Variants in CDH20 observed in about 807,000 individuals in gnomAD.
The protein encoded by CDH20 is cadherin-20.
CDH20 carries 29 observed loss-of-function variants against 74.2 expected under a neutral mutation model. That is an observed-to-expected ratio of 0.39 (90% confidence interval 0.29 to 0.53). The LOEUF is 0.53. Among genes scored for constraint, CDH20 ranks in the 20% least tolerant of loss-of-function variants. The probability of loss-of-function intolerance (pLI) is 0.69; values close to 1 mark genes in which losing one functional copy is unlikely to be tolerated. For synonymous variants in CDH20, 469 were observed against 405.4 expected (o/e 1.16, Z -1.88); for missense variants, 988 against 1,048.3 (o/e 0.94, Z 0.79).
intron 1 of CDH20, among the ~76,000 whole-genome samples, chr18:61,385,119 T>C (rs1911550493): frequency 6.6e-6 from 1 of 152,158 alleles, no homozygotes; most frequent in Non-Finnish European, 1.5e-5. Flanking sequence ...TAATTCATCA[T>C]AATATACAAA....
In CDH20 at chr18:61,411,580, GTATATA is replaced by G. The variant is rs145701176; in HGVS notation, c.-153+77787_-153+77792del. Among the ~76,000 whole-genome samples the G allele has an allele frequency of 4.5e-3, 672 of 149,778 alleles. 7 individuals carry two copies. Among genetic ancestry groups the G allele is most frequent in the African/African-American group, 0.016 (634 of 40,302 alleles). On this transcript the variant is annotated intron_variant, in intron 1 of 11. Transcript: ENST00000262717. ...TGTGTATATATGTGTGTGTGTGTGTGTATATATATATATATATATATATATATATAT... is the reference window on the plus strand; with the variant it reads ...TGTGTATATATGTGTGTGTGTGTGTGTATATATATATATATATATATATAT...
intron 1 of CDH20, among the ~76,000 whole-genome samples, chr18:61,415,946 TCTTATTA>T (rs1912667344): frequency 6.6e-6 from 1 of 152,144 alleles, no homozygotes; most frequent in South Asian, 2.1e-4. Context: ...GATTCTTATG[TCTTATTA>T]TTTTAGTCTG....
intron 1 of CDH20, among the ~76,000 whole-genome samples, chr18:61,358,354 T>C (rs958325260): frequency 2.0e-5 from 3 of 152,096 alleles, no homozygotes; most frequent in Non-Finnish European, 4.4e-5. Flanking sequence ...TCTCCTGACC[T>C]CGTGATCCTC....
chr18:61,529,219 C>T (rs1412540245), intron 7 of CDH20, among the ~76,000 whole-genome samples: 3 of 152,212 alleles, frequency 2.0e-5, no homozygotes, highest in African/African-American at 7.2e-5. Flanking sequence ...TTGAAAGCCA[C>T]ACAGTAAAAT....
chr18:61,414,101 A>ACTCATT (rs1471152425), intron 1 of CDH20, among the ~76,000 whole-genome samples: 1 of 152,124 alleles, frequency 6.6e-6, no homozygotes, highest in Admixed American at 6.6e-5. Flanking sequence ...CTTCTTGTAG[A>ACTCATT]CTGCATGGTC....
At chr18:61,341,430 CCCG>C (rs1381446128) in intron 1 of CDH20, among the ~76,000 whole-genome samples, 9 of 151,594 alleles carry the variant, frequency 5.9e-5, no homozygotes, top group African/African-American at 2.2e-4. Flanking sequence ...GAGCCCCCCC[CCCG>C]CCTAATGCCG....
intron 1 of CDH20, among the ~76,000 whole-genome samples, chr18:61,352,037 A>C (rs62098062): frequency 0.078 from 11,830 of 152,288 alleles, 637 homozygotes; most frequent in Middle Eastern, 0.15. Flanking sequence ...TTTGACCTTC[A>C]TCACTGCCCA....
In CDH20 at chr18:61,554,439, C is replaced by T. The variant is rs1421273840; in HGVS notation, c.2150C>T (p.Ala717Val). ...TCCCGCTACGTGCCTCAGACGTGCG[C>T]AGTGAACAGCACTGTCCACAGCTAC... ...SLSRYVPQTC[A>V]VNSTVHSYVL... The change falls in exon 12 of 12, where the codon GCA (alanine) becomes GTA (valine). Residue 717 changes from alanine (A) to valine (V), a missense_variant. By Grantham distance (64) the Ala-to-Val change is moderately conservative (BLOSUM62 0). Around this residue, in one of 2 missense-constraint regions of CDH20, gnomAD observed 375 missense variants for 293.1 expected, o/e 1.28. Transcript: ENST00000262717. The T allele has an allele frequency of 1.2e-6, 2 of 1,613,188 alleles. No homozygotes were observed. The highest frequency in any genetic ancestry group is 1.7e-6 in the Non-Finnish European group (2 of 1,179,936).
intron 1 of CDH20, among the ~76,000 whole-genome samples, chr18:61,479,448 T>A (rs1353891215): frequency 6.6e-6 from 1 of 152,170 alleles, no homozygotes; most frequent in Non-Finnish European, 1.5e-5. Flanking sequence ...TTACACATAT[T>A]CCCATCCACT....
chr18:61,527,884 A>G (rs1193797179), intron 6 of CDH20, 83 bp from the exon 7 acceptor site: 2 of 1,335,250 alleles, frequency 1.5e-6, no homozygotes, highest in African/African-American at 2.9e-5. Flanking sequence ...CCAGCCATCA[A>G]TATTGGGCAT....
chr18:61,494,205 C>T (rs1343736096), intron 2 of CDH20, among the ~76,000 whole-genome samples: 2 of 152,208 alleles, frequency 1.3e-5, no homozygotes, highest in Non-Finnish European at 1.5e-5. Flanking sequence ...CTTTCATTTA[C>T]ATTGCCTTGT....
At chr18:61,390,961 C>A (rs1028221698) in intron 1 of CDH20, among the ~76,000 whole-genome samples, 2 of 152,090 alleles carry the variant, frequency 1.3e-5, no homozygotes, top group Non-Finnish European at 1.5e-5. Context: ...AAACCACTGA[C>A]AGATGACAGA....
intron 1 of CDH20, among the ~76,000 whole-genome samples, chr18:61,335,073 G>GGATGAGTTTGAACCCACGCTTATA (rs1909714185): frequency 6.6e-6 from 1 of 152,112 alleles, no homozygotes; most frequent in Non-Finnish European, 1.5e-5. Context: ...GTTGAAACTA[G>GGATGAGTTTGAACCCACGCTTATA]GATGAGTTTG....
intron 11 of CDH20, among the ~76,000 whole-genome samples, chr18:61,553,336 T>G (rs1202481731): frequency 1.3e-5 from 2 of 152,064 alleles, no homozygotes; most frequent in Non-Finnish European, 2.9e-5. Flanking sequence ...TTCAGAGAGA[T>G]AAATAGCTCA....
intron 1 of CDH20, among the ~76,000 whole-genome samples, chr18:61,383,703 C>T (rs549434339): frequency 1.5e-4 from 23 of 152,200 alleles, no homozygotes; most frequent in African/African-American, 5.1e-4. Context: ...AAATGAGATA[C>T]ATTTAGAATC....
At chr18:61,401,975 G>T (rs1323938494) in intron 1 of CDH20, among the ~76,000 whole-genome samples, 1 of 152,140 alleles carries the variant, frequency 6.6e-6, no homozygotes, top group Non-Finnish European at 1.5e-5. Context: ...AGGATAATAG[G>T]TTGGTTTATC....
chr18:61,336,563 T>C (rs1909767027), intron 1 of CDH20, among the ~76,000 whole-genome samples: 2 of 152,224 alleles, frequency 1.3e-5, no homozygotes, highest in South Asian at 4.1e-4. Flanking sequence ...GGAGAAGTTA[T>C]TGAATGCCTT....
intron 1 of CDH20, among the ~76,000 whole-genome samples, chr18:61,363,933 T>C (rs542467668): frequency 6.3e-4 from 96 of 151,988 alleles, no homozygotes; most frequent in Non-Finnish European, 1.2e-3. Flanking sequence ...ATAGAGAGAA[T>C]GAAAAGAAGA....
At chr18:61,461,114 C>T (rs780280362) in intron 1 of CDH20, among the ~76,000 whole-genome samples, 10 of 151,870 alleles carry the variant, frequency 6.6e-5, no homozygotes, top group Non-Finnish European at 1.2e-4. Context: ...ATGTTACATA[C>T]GTGGCCTATA....
Sources: gnomAD v4.1 joint callset for allele counts (sites outside exome capture counted in the v4.1 genomes callset) on GRCh38, gnomAD v4.1.1 for gene constraint, gnomAD v4.1.1 regional missense constraint, MANE v1.5 for transcripts, NCBI Gene and HGNC (gene_info 2026-07-23, HGNC 2026-07-21) for gene names.